The following RAB11B variants were observed in gnomAD, a reference collection of about 807,000 sequenced individuals.
The protein encoded by RAB11B is RAB11B, member RAS oncogene family, also known as ras-related protein Rab-11B.
Under a neutral mutation model 23.7 loss-of-function variants are expected in RAB11B, and 7 were observed. The observed-to-expected ratio is 0.29, with a 90% CI of 0.17 to 0.55. The LOEUF (loss-of-function observed/expected upper bound fraction) is 0.55, where lower values mean the gene tolerates loss of function less well. RAB11B is among the 20% of genes least tolerant of loss of function. The pLI is 0.93. For missense variants in RAB11B, 189 were observed against 320.0 expected (o/e 0.59, Z 3.12); for synonymous variants, 138 against 132.0 (o/e 1.05, Z -0.31).
At chr19:8,394,004 G>C (rs1461601131) in intron 1 of RAB11B, among the ~76,000 whole-genome samples, 2 of 152,242 alleles carry the variant, frequency 1.3e-5, no homozygotes, top group Non-Finnish European at 2.9e-5. Context: ...AATGCTCGGA[G>C]CTGTGTCCTC....
In RAB11B at chr19:8,396,247, A is replaced by G. The variant is rs1304535440; in HGVS notation, c.41-3616A>G. Reference sequence around the variant, plus strand: ...TCCTGCCCTCCTCACCTGTGGCCCAAGGGTGGTGACCTGGCATCCTCTAGG... The same window carrying G: ...TCCTGCCCTCCTCACCTGTGGCCCAGGGGTGGTGACCTGGCATCCTCTAGG... On this transcript the variant is annotated intron_variant, in intron 1 of 4. Coordinates refer to ENST00000328024, the MANE Select transcript of RAB11B (RefSeq NM_004218.4). The surrounding 1 kb of genome is among the most constrained non-coding windows in gnomAD (Gnocchi z 5.0). Among the ~76,000 whole-genome samples the G allele has an allele frequency of 6.6e-6, 1 of 152,198 alleles. No individual in the cohort carries two copies. Among genetic ancestry groups the G allele is most frequent in the Non-Finnish European group, 1.5e-5 (1 of 68,028 alleles).
chr19:8,403,356 C>T, intron 4 of RAB11B, 57 bp from the exon 5 acceptor site: 2 of 1,570,550 alleles, frequency 1.3e-6, no homozygotes, highest in Non-Finnish European at 1.7e-6. Context: ...AGGGGTTCCC[C>T]TCGGCAGGCA....
At chr19:8,394,281 G>A (rs556469873) in intron 1 of RAB11B, among the ~76,000 whole-genome samples, 1 of 152,312 alleles carries the variant, frequency 6.6e-6, no homozygotes, top group East Asian at 1.9e-4. Flanking sequence ...TCAGCCTCCT[G>A]AGTAGCTGGG....
At chr19:8,391,802 G>A (rs772341926) in intron 1 of RAB11B, among the ~76,000 whole-genome samples, 13 of 151,846 alleles carry the variant, frequency 8.6e-5, no homozygotes, top group Non-Finnish European at 1.9e-4. Flanking sequence ...CTGATTGTGG[G>A]GAATGAGGCA....
chr19:8,397,924 C>T (rs954726450), intron 1 of RAB11B, among the ~76,000 whole-genome samples: 1 of 152,174 alleles, frequency 6.6e-6, no homozygotes, highest in Non-Finnish European at 1.5e-5. Context: ...GACCAAGCCA[C>T]TGAGCCAACC....
intron 1 of RAB11B, among the ~76,000 whole-genome samples, chr19:8,392,690 T>C (rs1326436707): frequency 6.9e-5 from 9 of 131,030 alleles, no homozygotes; most frequent in East Asian, 4.0e-4. Flanking sequence ...CTTTTCTTTT[T>C]TTTTTTTTTT....
rs1358981680 is a variant in RAB11B at position 8,402,074 on chromosome 19, C to T, written c.237-12C>T. The stretch of plus-strand genomic sequence containing the variant: ...GTCCTCCAGAGAGGCTCATGGGCCC[C>T]TGACCCTGCAGGTACTACCGTGGTG... On this transcript the variant is annotated splice_polypyrimidine_tract_variant and intron_variant, in intron 2 of 4. Coordinates refer to ENST00000328024, the MANE Select transcript of RAB11B (RefSeq NM_004218.4). 1 of 1,572,642 alleles carries T rather than the reference C, an allele frequency of 6.4e-7. No individual in the cohort carries two copies. The highest frequency in any genetic ancestry group is 1.2e-5 in the South Asian group (1 of 85,886).
At chr19:8,390,613 A>G (rs1568226267) in intron 1 of RAB11B, 157 bp downstream of exon 1, 1 of 757,786 alleles carries the variant, frequency 1.3e-6, no homozygotes, top group Non-Finnish European at 1.8e-6. Context: ...ACCGGGCAGC[A>G]TCAGCTTCGG....
chr19:8,404,115 C>G lies in RAB11B; in HGVS notation c.*557C>G, dbSNP rs979431525. 2.0e-5 allele frequency: 3 copies of G among 152,170 alleles called. No individual in the cohort carries two copies. The highest frequency in any genetic ancestry group is 1.9e-4 in the East Asian group (1 of 5,160). The allele number at this position is 152,170 out of a possible 1,614,324, so 9.4% of individuals were successfully genotyped here. The stretch of plus-strand genomic sequence containing the variant: ...GATGCAGGGAGAAGCCCGTCCCCCC[C>G]TCTCCCCTCTCCCCTCCCCTCTCCT... On this transcript the variant is annotated 3_prime_UTR_variant, in exon 5 of 5. Transcript: ENST00000328024.
In RAB11B at chr19:8,402,592, T is replaced by A. The variant is rs767873258; in HGVS notation, c.511+27T>A. On this transcript the variant is annotated intron_variant, in intron 4 of 4. Coordinates refer to ENST00000328024, the MANE Select transcript of RAB11B (RefSeq NM_004218.4). ...TGGCCGGGGACCAGATGGGTGTGGG[T>A]AGGGCACCAGCCAGGCAGGGTGGAA... 4.5e-6 allele frequency: 7 copies of A among 1,558,476 alleles called. No homozygotes were observed. The South Asian group carries it at 7.8e-5, about 17-fold the overall frequency.
At chr19:8,395,202 C>G (rs557306323) in intron 1 of RAB11B, among the ~76,000 whole-genome samples, 1 of 152,050 alleles carries the variant, frequency 6.6e-6, no homozygotes, top group Admixed American at 6.5e-5. Flanking sequence ...AGCCGATTCT[C>G]ATCCCTACTG....
At position 8,402,496 on chromosome 19, in the gene RAB11B, T is replaced by C; in HGVS notation, c.442T>C (p.Leu148=). Residue 148 remains leucine, a synonymous_variant, in exon 4 of 5, where the codon TTG becomes CTG. Transcript: ENST00000328024. Reference sequence around the variant, plus strand: ...ATTCTTTGTTCCAGAAAAGAACAACTTGTCCTTCATCGAGACCTCAGCCTT... The same window carrying C: ...ATTCTTTGTTCCAGAAAAGAACAACCTGTCCTTCATCGAGACCTCAGCCTT... ...EARAFAEKNN[L]SFIETSALDS... The C allele has an allele frequency of 5.0e-6, 8 of 1,613,700 alleles. No individual in the cohort carries two copies. Among genetic ancestry groups the C allele is most frequent in the Non-Finnish European group, 6.8e-6 (8 of 1,179,612 alleles).
chr19:8,397,147 TGAGCAGGCTTAGG>T (rs1971403443), intron 1 of RAB11B, among the ~76,000 whole-genome samples: 1 of 152,012 alleles, frequency 6.6e-6, no homozygotes, highest in African/African-American at 2.4e-5. Flanking sequence ...GAGCGGTGGG[TGAGCAGGCTTAGG>T]GAGTGATCGG....
Position 8,403,526 on chromosome 19 carries a change from C to A in RAB11B, c.625C>A (p.Pro209Thr). The change falls in exon 5 of 5, where the codon CCC becomes ACC. Residue 209 changes from proline (P) to threonine (T), a missense_variant. Around this residue, in one of 5 missense-constraint regions of RAB11B, gnomAD observed 122 missense variants for 170.8 expected, o/e 0.71. Coordinates refer to ENST00000328024, the MANE Select transcript of RAB11B (RefSeq NM_004218.4). ...SVPPTTDGQK[P>T]NKLQCCQNL ...GCCGCCCACCACGGACGGACAGAAG[C>A]CCAACAAGCTGCAGTGCTGCCAGAA... is the stretch of plus-strand genomic sequence containing the variant. 3 of 1,613,796 alleles carry A rather than the reference C, an allele frequency of 1.9e-6. No homozygotes were observed. Among genetic ancestry groups the A allele is most frequent in the Non-Finnish European group, 2.5e-6 (3 of 1,179,784 alleles).
chr19:8,403,789 C>T lies in RAB11B; in HGVS notation c.*231C>T, dbSNP rs1006918607. On this transcript the variant is annotated 3_prime_UTR_variant, in exon 5 of 5. Coordinates refer to ENST00000328024, the MANE Select transcript of RAB11B (RefSeq NM_004218.4). The stretch of plus-strand genomic sequence containing the variant: ...ACCCATGAAACTCGGGTCCCCACAG[C>T]GTCTTGGCGGGGTGGGGAGGGCGGC... 1.8e-5 allele frequency: 10 copies of T among 550,294 alleles called. No individual in the cohort carries two copies. Among genetic ancestry groups the T allele is most frequent in the South Asian group, 1.2e-4 (4 of 33,084 alleles). 34.1% of individuals were successfully genotyped at this position (550,294 alleles called of 1,614,324 possible).
chr19:8,390,374 G>A lies in RAB11B; in HGVS notation c.-43G>A. On this transcript the variant is annotated 5_prime_UTR_variant, in exon 1 of 5. The change creates a new upstream start codon in the 5' untranslated region. Transcript: ENST00000328024. The stretch of plus-strand genomic sequence containing the variant: ...GCTCCGCCCCCGTCGGGTGTTTGTG[G>A]TGGGGCTGCGGAGTCGCCGATCCCG... 6.6e-7 allele frequency: 1 copy of A among 1,516,218 alleles called. No homozygotes were observed. Among genetic ancestry groups the A allele is most frequent in the Non-Finnish European group, 8.8e-7 (1 of 1,135,274 alleles). 93.9% of individuals were successfully genotyped at this position (1,516,218 alleles called of 1,614,324 possible). A position where few individuals can be genotyped will look rare whatever the true frequency, so the allele number is the denominator to read the frequency against.
intron 3 of RAB11B, 52 bp downstream of exon 3, chr19:8,402,331 C>T (rs1243366121): frequency 6.5e-7 from 1 of 1,530,880 alleles, no homozygotes; most frequent in Non-Finnish European, 8.8e-7. Context: ...GGCAGGAGGC[C>T]CCTCACAGTG....
rs1010097640 is a variant in RAB11B, at chr19:8,396,837, G to T, written c.41-3026G>T. 3.3e-5 allele frequency among the ~76,000 whole-genome samples: 5 copies of T among 152,148 alleles called. No individual in the cohort carries two copies. Among genetic ancestry groups the T allele is most frequent in the African/African-American group, 1.2e-4 (5 of 41,422 alleles). On this transcript the variant is annotated intron_variant, in intron 1 of 4. Coordinates refer to ENST00000328024, the MANE Select transcript of RAB11B (RefSeq NM_004218.4). The surrounding 1 kb of genome is among the most constrained non-coding windows in gnomAD (Gnocchi z 5.0). ...GGAGGGAGGGAGGTGCCCTGGCTCGGCACTCACGGGCGCTCTCTGGTGGCT... is the reference window on the plus strand; with the variant it reads ...GGAGGGAGGGAGGTGCCCTGGCTCGTCACTCACGGGCGCTCTCTGGTGGCT...
At chr19:8,401,443 A>G (rs1971436436) in intron 2 of RAB11B, among the ~76,000 whole-genome samples, 3 of 145,818 alleles carry the variant, frequency 2.1e-5, no homozygotes, top group Non-Finnish European at 4.5e-5. Context: ...CAGTGTCACA[A>G]TCTCGGCTCA....
Sources: gnomAD v4.1 joint callset for allele counts (sites outside exome capture counted in the v4.1 genomes callset) on GRCh38, gnomAD v4.1.1 for gene constraint, gnomAD v4.1.1 regional missense constraint, Gnocchi (gnomAD v3.1) non-coding constraint, MANE v1.5 for transcripts, NCBI Gene and HGNC (gene_info 2026-07-23, HGNC 2026-07-21) for gene names.